The following ALK variants were observed in gnomAD, a reference collection of about 807,000 sequenced individuals.
The protein encoded by ALK is ALK receptor tyrosine kinase, also known as ALK tyrosine kinase receptor.
ALK carries 74 observed loss-of-function variants against 163.1 expected under a neutral mutation model. The observed-to-expected ratio is 0.45, with a 90% CI of 0.38 to 0.55. ALK has a LOEUF of 0.55. Ranked by LOEUF, ALK falls within the 20% of genes least tolerant of loss-of-function variation. The probability of loss-of-function intolerance (pLI) is 0.00; values close to 1 mark genes in which losing one functional copy is unlikely to be tolerated. For missense variants in ALK, 2,063 were observed against 2,105.3 expected (o/e 0.98, Z 0.39); for synonymous variants, 960 against 843.2 (o/e 1.14, Z -2.40).
intron 9 of ALK, among the ~76,000 whole-genome samples, chr2:29,292,506 T>C (rs1409691191): frequency 3.9e-5 from 6 of 152,132 alleles, no homozygotes; most frequent in Non-Finnish European, 5.9e-5. Context: ...AGAGCAGCAA[T>C]TGAATGAGGG....
At chr2:29,753,439 G>A (rs1423341464) in intron 1 of ALK, among the ~76,000 whole-genome samples, 1 of 152,108 alleles carries the variant, frequency 6.6e-6, no homozygotes, top group Non-Finnish European at 1.5e-5. Context: ...TAAGATCAAT[G>A]ATTTCCTTGA....
intron 4 of ALK, among the ~76,000 whole-genome samples, chr2:29,525,545 A>G (rs1672935145): frequency 6.6e-6 from 1 of 151,992 alleles, no homozygotes; most frequent in Non-Finnish European, 1.5e-5. Context: ...TAATCCCAGC[A>G]CTTTGGGAGG....
At chr2:29,506,996 C>T (rs552516177) in intron 4 of ALK, among the ~76,000 whole-genome samples, 1 of 152,038 alleles carries the variant, frequency 6.6e-6, no homozygotes, top group African/African-American at 2.4e-5. Context: ...GCCAAATTAC[C>T]GTAGGATCCA....
intron 1 of ALK, among the ~76,000 whole-genome samples, chr2:29,799,900 A>T (rs1242684509): frequency 6.6e-6 from 1 of 152,236 alleles, no homozygotes; most frequent in Non-Finnish European, 1.5e-5. Flanking sequence ...ACTGTGGCCG[A>T]GCCAGCATCC....
intron 1 of ALK, among the ~76,000 whole-genome samples, chr2:29,843,702 G>A (rs1665760094): frequency 6.6e-6 from 1 of 152,202 alleles, no homozygotes; most frequent in South Asian, 2.1e-4. Flanking sequence ...TAATTTGTCA[G>A]TAAAATGGAT....
chr2:29,717,273 C>T (rs1405265815), intron 2 of ALK, among the ~76,000 whole-genome samples: 1 of 151,550 alleles, frequency 6.6e-6, no homozygotes, highest in Non-Finnish European at 1.5e-5. Context: ...AAATAAGCAT[C>T]TCCTCTAATG....
chr2:29,554,231 C>A (rs930551890), intron 3 of ALK, among the ~76,000 whole-genome samples: 1 of 152,058 alleles, frequency 6.6e-6, no homozygotes, highest in Non-Finnish European at 1.5e-5. Context: ...TCATAGATAT[C>A]ATTAAGTGGG....
At chr2:29,474,934 G>A (rs1671468515) in intron 4 of ALK, among the ~76,000 whole-genome samples, 1 of 152,206 alleles carries the variant, frequency 6.6e-6, no homozygotes, top group African/African-American at 2.4e-5. Flanking sequence ...TGCCACACCT[G>A]CTGCTGGTCA....
chr2:29,462,211 A>G (rs549150474), intron 4 of ALK, among the ~76,000 whole-genome samples: 1 of 152,336 alleles, frequency 6.6e-6, no homozygotes, highest in South Asian at 2.1e-4. Context: ...GATATTGTTA[A>G]CATTGTTGAA....
chr2:29,279,336 C>A (rs750184121), intron 9 of ALK, among the ~76,000 whole-genome samples: 31 of 152,182 alleles, frequency 2.0e-4, no homozygotes, highest in Non-Finnish European at 2.9e-5. Flanking sequence ...TCTGTCCACC[C>A]GGGGCCACCC....
chr2:29,344,551 G>A (rs1667892111), intron 5 of ALK, among the ~76,000 whole-genome samples: 1 of 152,184 alleles, frequency 6.6e-6, no homozygotes, highest in South Asian at 2.1e-4. Flanking sequence ...CATTTTCAAG[G>A]CAGCAGACAT....
Position 29,368,747 on chromosome 2 carries a change from T to C in ALK, c.1282+14985A>G, listed in dbSNP as rs183026461. 5.3e-3 allele frequency among the ~76,000 whole-genome samples: 806 copies of C among 152,264 alleles called. 11 individuals carry two copies. The highest frequency in any genetic ancestry group is 4.5e-3 in the Non-Finnish European group (303 of 68,022). On this transcript the variant is annotated intron_variant, in intron 5 of 28. Coordinates refer to ENST00000389048, the MANE Select transcript of ALK (RefSeq NM_004304.5). The stretch of plus-strand genomic sequence containing the variant: ...TTTCTCTCTCTTTTCTTCCCTGTCT[T>C]CCTCCTCCTTTTTCTGAGACTTGGC...
intron 1 of ALK, among the ~76,000 whole-genome samples, chr2:29,838,753 G>T (rs1326384546): frequency 6.6e-6 from 1 of 152,110 alleles, no homozygotes; most frequent in African/African-American, 2.4e-5. Flanking sequence ...AACAGTGTTT[G>T]CCTCTGTAGA....
At chr2:29,736,342 T>C (rs1679891845) in intron 1 of ALK, among the ~76,000 whole-genome samples, 2 of 152,098 alleles carry the variant, frequency 1.3e-5, no homozygotes, top group African/African-American at 4.8e-5. Context: ...TTCTTCTTTA[T>C]ACTTTTCTGA....
At chr2:29,440,758 A>G (rs1670520890) in intron 4 of ALK, among the ~76,000 whole-genome samples, 1 of 152,222 alleles carries the variant, frequency 6.6e-6, no homozygotes, top group African/African-American at 2.4e-5. Flanking sequence ...TCTGATAACT[A>G]TTAAAGCACC....
chr2:29,879,784 T>C (rs4233750), intron 1 of ALK, among the ~76,000 whole-genome samples: 114,821 of 152,146 alleles, frequency 0.75, 43,470 homozygotes, highest in Non-Finnish European at 0.79. Context: ...AATGCTTTTC[T>C]TTTAGGGAAA....
intron 1 of ALK, among the ~76,000 whole-genome samples, chr2:29,734,521 CTAGGGA>C (rs1397668050): frequency 6.6e-6 from 1 of 151,994 alleles, no homozygotes; most frequent in East Asian, 1.9e-4. Flanking sequence ...CATGGTCAGT[CTAGGGA>C]TAGTATCTTT....
At chr2:29,304,257 G>A (rs530065130) in intron 8 of ALK, among the ~76,000 whole-genome samples, 1 of 152,212 alleles carries the variant, frequency 6.6e-6, no homozygotes, top group African/African-American at 2.4e-5. Context: ...CAGCACTTTG[G>A]GAGGCTGAGG....
At chr2:29,807,823 T>C (rs1461421774) in intron 1 of ALK, among the ~76,000 whole-genome samples, 2 of 152,254 alleles carry the variant, frequency 1.3e-5, no homozygotes, top group Non-Finnish European at 2.9e-5. Flanking sequence ...GGAAATGCTT[T>C]CCATAACACA....
Sources: allele counts gnomAD v4.1 joint callset (sites outside exome capture counted in the v4.1 genomes callset), GRCh38; gene constraint gnomAD v4.1.1; transcripts MANE v1.5; gene names NCBI Gene and HGNC (gene_info 2026-07-23, HGNC 2026-07-21).